The following SNTG1 variants were observed in gnomAD, a reference collection of about 807,000 sequenced individuals.
SNTG1 encodes the protein syntrophin gamma 1.
A neutral mutation model predicts 74.7 loss-of-function variants in SNTG1; 39 were observed. That is an observed-to-expected ratio of 0.52 (90% CI 0.40 to 0.68). The LOEUF is 0.68. Among genes scored for constraint, SNTG1 ranks in the 30% least tolerant of loss-of-function variants. The pLI is 0.00. For synonymous variants in SNTG1, 254 were observed against 217.1 expected (o/e 1.17, Z -1.49); for missense variants, 685 against 609.5 (o/e 1.12, Z -1.30).
At chr8:50,741,289 G>A (rs756556273) in intron 17 of SNTG1, among the ~76,000 whole-genome samples, 18 of 151,754 alleles carry the variant, frequency 1.2e-4, no homozygotes, top group Non-Finnish European at 2.2e-4. Context: ...GTCCTGGCTA[G>A]TTTTTGTATT....
chr8:50,462,588 C>T (rs1479256737), intron 8 of SNTG1, among the ~76,000 whole-genome samples: 1 of 152,028 alleles, frequency 6.6e-6, no homozygotes, highest in Non-Finnish European at 1.5e-5. Context: ...AGTCAACTTT[C>T]TCAAATCCTG....
chr8:50,231,037 A>C (rs1337898696), intron 2 of SNTG1, among the ~76,000 whole-genome samples: 1 of 151,324 alleles, frequency 6.6e-6, no homozygotes, highest in Admixed American at 6.6e-5. Flanking sequence ...GAACTCAACT[A>C]ACTCTAAAGA....
At chr8:50,787,002 A>C (rs1307685613) in intron 18 of SNTG1, among the ~76,000 whole-genome samples, 1 of 152,008 alleles carries the variant, frequency 6.6e-6, no homozygotes, top group African/African-American at 2.4e-5. Flanking sequence ...CTTTTTCAAA[A>C]TTTAAAGCAC....
rs540953400 is a variant in SNTG1, at chr8:49,974,138, A to C, written c.-103+61907A>C. 2.0e-5 allele frequency among the ~76,000 whole-genome samples: 3 copies of C among 152,150 alleles called. No individual in the cohort carries two copies. In the South Asian group the frequency reaches 6.2e-4, roughly 32 times the overall value. ...AAATTTCAAATCATCCAGCTTCCTT[A>C]TTTTCCTATCTGGAAGCACATGCCA... On this transcript the variant is annotated intron_variant, in intron 1 of 18. Transcript: ENST00000642720.
At position 50,235,514 on chromosome 8, in the gene SNTG1, A is replaced by G. The variant is rs375575534; in HGVS notation, c.-28+62879A>G. 1.1e-4 allele frequency among the ~76,000 whole-genome samples: 17 copies of G among 152,358 alleles called. No homozygotes were observed. In the East Asian group the frequency reaches 1.5e-3, roughly 14 times the overall value. ...AAAACAAAAATTATGACATAAAAAC[A>G]ACAGGTTTTCTAAGAAAAAAATGTA... On this transcript the variant is annotated intron_variant, in intron 2 of 18. Coordinates refer to ENST00000642720, the MANE Select transcript of SNTG1 (RefSeq NM_018967.5).
chr8:50,213,829 GC>G lies in SNTG1; in HGVS notation c.-28+41197del, dbSNP rs556227085. Among the ~76,000 whole-genome samples the G allele has an allele frequency of 4.1e-4, 63 of 151,812 alleles. 1 individual carries two copies. The South Asian group carries it at 0.013, about 32-fold the overall frequency. On this transcript the variant is annotated intron_variant, in intron 2 of 18. Coordinates refer to ENST00000642720, the MANE Select transcript of SNTG1 (RefSeq NM_018967.5). ...AGTTCATTGTAGATTCTGGATATTA[GC>G]CCTTTGTCAGATGAGTAGGTTGTGA...
intron 1 of SNTG1, among the ~76,000 whole-genome samples, chr8:50,001,475 G>A (rs1814732730): frequency 6.6e-6 from 1 of 152,128 alleles, no homozygotes; most frequent in Non-Finnish European, 1.5e-5. Context: ...TGTCAAAAGA[G>A]GGCCCAGAGG....
intron 16 of SNTG1, among the ~76,000 whole-genome samples, chr8:50,705,418 A>G (rs117337722): frequency 0.025 from 3,814 of 152,318 alleles, 64 homozygotes; most frequent in Middle Eastern, 0.041. Context: ...ATTAACACAT[A>G]CAACAATAAA....
chr8:50,111,129 C>A (rs2080569151), intron 1 of SNTG1, among the ~76,000 whole-genome samples: 1 of 143,560 alleles, frequency 7.0e-6, no homozygotes. Flanking sequence ...AACATCAATG[C>A]CTATGAGTGT....
intron 4 of SNTG1, among the ~76,000 whole-genome samples, chr8:50,417,691 C>A (rs1008186682): frequency 6.6e-6 from 1 of 152,128 alleles, no homozygotes; most frequent in Non-Finnish European, 1.5e-5. Flanking sequence ...TATCCAATAA[C>A]ATCTCTCCCA....
At chr8:50,715,718 C>T (rs1449012449) in intron 17 of SNTG1, among the ~76,000 whole-genome samples, 1 of 152,100 alleles carries the variant, frequency 6.6e-6, no homozygotes, top group Non-Finnish European at 1.5e-5. Flanking sequence ...TGTATATTGA[C>T]CTTCATTTTG....
At chr8:50,296,117 T>A (rs1586997308) in intron 2 of SNTG1, among the ~76,000 whole-genome samples, 1 of 152,280 alleles carries the variant, frequency 6.6e-6, no homozygotes, top group African/African-American at 2.4e-5. Context: ...GAACACCATG[T>A]TCTGCATTTT....
intron 8 of SNTG1, among the ~76,000 whole-genome samples, chr8:50,494,367 T>C (rs1476772899): frequency 2.0e-5 from 3 of 152,128 alleles, no homozygotes; most frequent in East Asian, 3.9e-4. Context: ...GTCTCGTTTA[T>C]TTTATTTATA....
intron 2 of SNTG1, among the ~76,000 whole-genome samples, chr8:50,233,270 G>C (rs2085723506): frequency 6.6e-6 from 1 of 151,544 alleles, no homozygotes; most frequent in South Asian, 2.1e-4. Flanking sequence ...AAATGACCAA[G>C]TGATTTTTGG....
intron 15 of SNTG1, among the ~76,000 whole-genome samples, chr8:50,674,470 T>A (rs2095300583): frequency 6.6e-6 from 1 of 152,134 alleles, no homozygotes; most frequent in Non-Finnish European, 1.5e-5. Context: ...TAGAGGTATT[T>A]ATAGTATTCT....
chr8:50,781,995 T>G (rs1322910455), intron 18 of SNTG1, among the ~76,000 whole-genome samples: 4 of 152,200 alleles, frequency 2.6e-5, no homozygotes, highest in African/African-American at 9.7e-5. Flanking sequence ...AAATTCTGGG[T>G]TGAACATTCT....
chr8:50,332,863 A>C (rs566328798), intron 2 of SNTG1, among the ~76,000 whole-genome samples: 1 of 152,336 alleles, frequency 6.6e-6, no homozygotes, highest in African/African-American at 2.4e-5. Context: ...AAAATAGTAC[A>C]GTTGGAGCAG....
In SNTG1 at chr8:50,738,048, G is replaced by A. The variant is rs577959755; in HGVS notation, c.1285-13953G>A. On this transcript the variant is annotated intron_variant, in intron 17 of 18. Transcript: ENST00000642720. ...ACTCCAATTCAAGATAGTATTGGAAGTTCTGGCCAGGGCAATCAGGCAAGA... is the reference window on the plus strand; with the variant it reads ...ACTCCAATTCAAGATAGTATTGGAAATTCTGGCCAGGGCAATCAGGCAAGA... Among the ~76,000 whole-genome samples the A allele has an allele frequency of 5.9e-5, 9 of 152,236 alleles. No individual in the cohort carries two copies. The East Asian group carries it at 1.7e-3, about 30-fold the overall frequency.
chr8:50,334,956 A>G (rs1476153541), intron 2 of SNTG1, among the ~76,000 whole-genome samples: 1 of 152,204 alleles, frequency 6.6e-6, no homozygotes, highest in East Asian at 1.9e-4. Context: ...CTGCTAGATT[A>G]TACTTACAAA....
Sources: gnomAD v4.1 joint callset for allele counts (sites outside exome capture counted in the v4.1 genomes callset) on GRCh38, gnomAD v4.1.1 for gene constraint, MANE v1.5 for transcripts, NCBI Gene and HGNC (gene_info 2026-07-23, HGNC 2026-07-21) for gene names.